The following SARNP variants were observed in gnomAD, a reference collection of about 807,000 sequenced individuals.
SARNP encodes the protein SAP domain containing ribonucleoprotein.
SARNP carries 5 observed loss-of-function variants against 38.1 expected under a neutral mutation model. The ratio of observed to expected loss-of-function variants is 0.13; its 90% CI spans 0.07 to 0.28. The LOEUF is 0.28. SARNP is among the 10% of genes least tolerant of loss of function. The probability of loss-of-function intolerance (pLI) is 1.00; values close to 1 mark genes in which losing one functional copy is unlikely to be tolerated. For missense variants in SARNP, 180 were observed against 243.9 expected (o/e 0.74, Z 1.75); for synonymous variants, 84 against 80.6 (o/e 1.04, Z -0.23).
Position 55,783,211 on chromosome 12 carries a change from A to AG in SARNP, c.501+5863dup, listed in dbSNP as rs1879390410. On this transcript the variant is annotated intron_variant, in intron 9 of 10. Coordinates refer to ENST00000336133, the MANE Select transcript of SARNP (RefSeq NM_033082.4). ...CTTGGGAGGCATGGGAAACAGATAG[A>AG]GAAAAAACAACCAGTCAAGCACAAG... 3.9e-5 allele frequency among the ~76,000 whole-genome samples: 6 copies of AG among 152,010 alleles called. No individual in the cohort carries two copies. The South Asian group carries it at 1.2e-3, about 32-fold the overall frequency.
At chr12:55,803,413 G>T (rs1159939609) in intron 2 of SARNP, among the ~76,000 whole-genome samples, 1 of 151,598 alleles carries the variant, frequency 6.6e-6, no homozygotes, top group East Asian at 1.9e-4. Flanking sequence ...GAAGCCGGGA[G>T]ACAGAGGTTG....
intron 1 of SARNP, among the ~76,000 whole-genome samples, chr12:55,817,171 TA>T (rs1376455513): frequency 6.6e-6 from 1 of 152,140 alleles, no homozygotes; most frequent in African/African-American, 2.4e-5. Context: ...TAATCCCACC[TA>T]GAAAAGGGGA....
At position 55,817,669 on chromosome 12, in the gene SARNP, T is replaced by A. The variant is rs1322790719; in HGVS notation, c.33A>T (p.Leu11=). 1 of 1,612,428 alleles carries A rather than the reference T, an allele frequency of 6.2e-7. No homozygotes were observed. Among genetic ancestry groups the A allele is most frequent in the Non-Finnish European group, 8.5e-7 (1 of 1,179,332 alleles). MATETVELHK[L]KLAELKQECL... is the part of the protein sequence containing the mutation. ...GCCCTTCCCCGATTCACGGTACCTT[T>A]AGCTTATGGAGCTCCACCGTCTCGG... Residue 11 remains leucine, a synonymous_variant, in exon 1 of 11, where the codon CTA becomes CTT. Transcript: ENST00000336133.
intron 5 of SARNP, 76 bp from the exon 6 acceptor site, chr12:55,794,956 T>TTA (rs1290528496): frequency 5.8e-6 from 2 of 344,556 alleles, no homozygotes; most frequent in African/African-American, 2.6e-5. Context: ...GTAGGTATCT[T>TTA]TAAAAAAAAA....
intron 1 of SARNP, among the ~76,000 whole-genome samples, chr12:55,815,307 G>A (rs973151926): frequency 1.3e-5 from 2 of 152,138 alleles, no homozygotes; most frequent in African/African-American, 4.8e-5. Context: ...CTCCCAAAGA[G>A]TTGGGATTAC....
intron 9 of SARNP, among the ~76,000 whole-genome samples, chr12:55,787,264 G>A (rs7958915): frequency 4.7e-5 from 6 of 128,252 alleles, no homozygotes; most frequent in African/African-American, 8.1e-5. Flanking sequence ...AAAAGTTAAC[G>A]TAAATGGAAG....
At chr12:55,764,909 G>A (rs1878784773) in intron 9 of SARNP, among the ~76,000 whole-genome samples, 1 of 151,774 alleles carries the variant, frequency 6.6e-6, no homozygotes, top group South Asian at 2.1e-4. Context: ...CAAAGTCAAG[G>A]GGGAAAGTTT....
At chr12:55,817,578 C>G in intron 1 of SARNP, 88 bp downstream of exon 1, 1 of 1,277,042 alleles carries the variant, frequency 7.8e-7, no homozygotes, top group Non-Finnish European at 1.1e-6. Flanking sequence ...AAAGGCTGCA[C>G]GGAGAAGACG....
chr12:55,762,610 GA>G (rs1878710992), intron 9 of SARNP: 1 of 152,160 alleles, frequency 6.6e-6, no homozygotes, highest in African/African-American at 2.4e-5. Flanking sequence ...TGGTGCTTCT[GA>G]GCTGGATTTG....
At chr12:55,806,275 A>AT (rs1156430335) in intron 1 of SARNP, among the ~76,000 whole-genome samples, 286 of 142,820 alleles carry the variant, frequency 2.0e-3, no homozygotes, top group East Asian at 0.012. Context: ...ATTAAAAAAA[A>AT]TTTTTTTTTT....
At chr12:55,762,957 C>A (rs1002102282) in intron 9 of SARNP, among the ~76,000 whole-genome samples, 2 of 152,168 alleles carry the variant, frequency 1.3e-5, no homozygotes, top group African/African-American at 4.8e-5. Flanking sequence ...TTTTGCTGCA[C>A]CTGCTTTCTA....
intron 5 of SARNP, 149 bp from the exon 6 acceptor site, chr12:55,795,029 G>A (rs983352438): frequency 1.3e-5 from 7 of 549,632 alleles, no homozygotes; most frequent in South Asian, 4.7e-5. Context: ...GCATGATCTC[G>A]GCTCACTGCA....
At chr12:55,784,419 A>G (rs1879429537) in intron 9 of SARNP, among the ~76,000 whole-genome samples, 1 of 152,184 alleles carries the variant, frequency 6.6e-6, no homozygotes, top group Admixed American at 6.5e-5. Flanking sequence ...GAACTAGGCA[A>G]TTCTCATCAG....
intron 9 of SARNP, among the ~76,000 whole-genome samples, chr12:55,785,494 T>TA (rs1046755201): frequency 6.6e-6 from 1 of 151,964 alleles, no homozygotes; most frequent in Non-Finnish European, 1.5e-5. Flanking sequence ...TTTTTTTTTT[T>TA]AAGACAGAGT....
At chr12:55,817,081 G>T (rs1245667386) in intron 1 of SARNP, among the ~76,000 whole-genome samples, 3 of 152,140 alleles carry the variant, frequency 2.0e-5, no homozygotes, top group African/African-American at 7.2e-5. Context: ...CTATTCTCAA[G>T]ACCTCCTCAA....
intron 9 of SARNP, among the ~76,000 whole-genome samples, chr12:55,771,094 C>T (rs1468452857): frequency 6.6e-6 from 1 of 152,044 alleles, no homozygotes; most frequent in African/African-American, 2.4e-5. Context: ...CATGCCACCA[C>T]GCCTGGCTGT....
intron 9 of SARNP, among the ~76,000 whole-genome samples, chr12:55,770,413 G>A (rs1224494722): frequency 7.2e-6 from 1 of 139,508 alleles, no homozygotes; most frequent in Non-Finnish European, 1.5e-5. Flanking sequence ...TTTTTTTTCC[G>A]TATTTTTAGT....
intron 1 of SARNP, among the ~76,000 whole-genome samples, chr12:55,808,589 G>A (rs1362518744): frequency 1.3e-5 from 2 of 151,866 alleles, no homozygotes; most frequent in Admixed American, 6.6e-5. Flanking sequence ...GAGCCACCAC[G>A]CCCAGCCAAA....
intron 9 of SARNP, among the ~76,000 whole-genome samples, chr12:55,781,549 C>A (rs1227778032): frequency 2.3e-4 from 33 of 143,282 alleles, no homozygotes; most frequent in East Asian, 8.2e-4. Flanking sequence ...AAAAAAAAAA[C>A]AAAAACAAAA....
Sources: gnomAD v4.1 joint callset for allele counts (sites outside exome capture counted in the v4.1 genomes callset) on GRCh38, gnomAD v4.1.1 for gene constraint, MANE v1.5 for transcripts, NCBI Gene and HGNC (gene_info 2026-07-23, HGNC 2026-07-21) for gene names.